UBR3: variants seen among roughly 807,000 people sequenced by gnomAD.
The protein encoded by UBR3 is E3 ubiquitin-protein ligase UBR3.
A neutral mutation model predicts 243.2 loss-of-function variants in UBR3; 85 were observed. That is an observed-to-expected ratio of 0.35 (90% CI 0.29 to 0.42). The LOEUF is 0.42. Ranked by LOEUF, UBR3 falls within the 10% of genes least tolerant of loss-of-function variation. The pLI is 1.00. For missense variants in UBR3, 1,686 were observed against 2,300.8 expected, an observed-to-expected ratio of 0.73 and a Z score of 5.47; for synonymous variants, 748 against 799.8, an observed-to-expected ratio of 0.94 and a Z score of 1.09.
intron 24 of UBR3, among the ~76,000 whole-genome samples, chr2:169,959,749 AGTACCCGGTCTGAGGCTGAAG>A (rs761939697): frequency 1.8e-4 from 28 of 152,252 alleles, no homozygotes; most frequent in Non-Finnish European, 1.5e-4. Context: ...CTGAAAGTAC[AGTACCCGGTCTGAGGCTGAAG>A]GCTGAAAACC....
intron 24 of UBR3, among the ~76,000 whole-genome samples, chr2:169,969,245 G>A (rs777623952): frequency 2.0e-5 from 3 of 151,812 alleles, no homozygotes; most frequent in Non-Finnish European, 2.9e-5. Context: ...TTTTGATGTC[G>A]TACACAAAAA....
rs566766594 is a variant in UBR3 at position 169,897,362 on chromosome 2, A to G, written c.1465+627A>G. On this transcript the variant is annotated intron_variant, in intron 8 of 38. Coordinates refer to ENST00000272793, the MANE Select transcript of UBR3 (RefSeq NM_172070.4). ...GGTTGATACTCTTCAACCTGCCATA[A>G]TGTTTCTGTACCTCTTCCCATTCTC... 3.3e-5 allele frequency among the ~76,000 whole-genome samples: 5 copies of G among 152,136 alleles called. No homozygotes were observed. The South Asian group carries it at 1.0e-3, about 32-fold the overall frequency.
intron 30 of UBR3, among the ~76,000 whole-genome samples, chr2:170,023,841 G>C (rs2090456692): frequency 6.6e-6 from 1 of 152,092 alleles, no homozygotes; most frequent in African/African-American, 2.4e-5. Context: ...CTCCCAAAGT[G>C]CTGGGATTAC....
rs1007349402 is a variant in UBR3 at position 169,926,898 on chromosome 2, A to G, written c.2265A>G (p.Ala755=). The G allele has an allele frequency of 1.3e-6, 2 of 1,551,160 alleles. No homozygotes were observed. The highest frequency in any genetic ancestry group is 1.7e-6 in the Non-Finnish European group (2 of 1,146,564). ...ASQHQNTVLD[A]EHERSMLEGA... ...AACATCAAAATACAGTACTTGATGC[A>G]GAGCATGAGAGGTCGATGTTAGAAG... Residue 755 remains alanine (A), a synonymous_variant, in exon 16 of 39, where the codon GCA becomes GCG. Transcript: ENST00000272793.
chr2:170,021,919 A>G (rs980358190), intron 30 of UBR3, among the ~76,000 whole-genome samples: 1 of 152,148 alleles, frequency 6.6e-6, no homozygotes. Context: ...AATTTTCACT[A>G]TCAGGACATA....
chr2:169,969,678 A>G (rs1180552981), intron 24 of UBR3, among the ~76,000 whole-genome samples: 1 of 151,530 alleles, frequency 6.6e-6, no homozygotes, highest in Non-Finnish European at 1.5e-5. Flanking sequence ...CCTCCCAAGC[A>G]GCTGGGACAA....
intron 9 of UBR3, 150 bp from the exon 10 acceptor site, chr2:169,905,881 T>C: frequency 4.9e-6 from 4 of 817,618 alleles, no homozygotes; most frequent in Non-Finnish European, 5.1e-6. Context: ...GATTGTTTCA[T>C]TTTTAGTAAT....
intron 5 of UBR3, among the ~76,000 whole-genome samples, chr2:169,890,571 A>ATATATATATG (rs2084323698): frequency 9.5e-6 from 1 of 105,016 alleles, no homozygotes; most frequent in African/African-American, 3.7e-5. Flanking sequence ...ATATGTGTAT[A>ATATATATATG]TATATATATG....
At chr2:169,863,431 C>G (rs1271636057) in intron 1 of UBR3, among the ~76,000 whole-genome samples, 1 of 152,096 alleles carries the variant, frequency 6.6e-6, no homozygotes, top group African/African-American at 2.4e-5. Flanking sequence ...GTCATTTTGT[C>G]TAGTATTTTT....
intron 1 of UBR3, among the ~76,000 whole-genome samples, chr2:169,856,257 C>A (rs942067162): frequency 6.6e-6 from 1 of 151,182 alleles, no homozygotes; most frequent in South Asian, 2.1e-4. Context: ...AGAGGCTCTT[C>A]CCATATCCCA....
chr2:169,881,993 ATATT>A (rs1056566323), intron 5 of UBR3, among the ~76,000 whole-genome samples: 3 of 124,156 alleles, frequency 2.4e-5, no homozygotes, highest in Non-Finnish European at 3.2e-5. Flanking sequence ...ATGTATATGT[ATATT>A]TATATAATAT....
chr2:169,881,720 A>G (rs1404109708), intron 5 of UBR3, among the ~76,000 whole-genome samples: 1 of 137,288 alleles, frequency 7.3e-6, no homozygotes, highest in Non-Finnish European at 1.5e-5. Flanking sequence ...ATGTATATGT[A>G]TATTTATATT....
At chr2:170,068,480 A>T (rs1245326943) in intron 35 of UBR3, among the ~76,000 whole-genome samples, 1 of 152,216 alleles carries the variant, frequency 6.6e-6, no homozygotes, top group East Asian at 1.9e-4. Flanking sequence ...AAAAATTAAA[A>T]AATGAACGAA....
chr2:169,828,149 AGGGGAGGGTGCG>A (rs2081805519), intron 1 of UBR3, 97 bp downstream of exon 1: 3 of 990,782 alleles, frequency 3.0e-6, no homozygotes, highest in East Asian at 8.9e-5. Context: ...TGAGCTGTCA[AGGGGAGGGTGCG>A]GGGGAGGGTG....
intron 11 of UBR3, among the ~76,000 whole-genome samples, chr2:169,920,353 T>C (rs888559461): frequency 1.3e-5 from 2 of 152,050 alleles, no homozygotes; most frequent in Non-Finnish European, 2.9e-5. Flanking sequence ...CATTAGGAGA[T>C]ATACCTAATG....
At chr2:169,963,930 A>C (rs1348274648) in intron 24 of UBR3, among the ~76,000 whole-genome samples, 1 of 152,168 alleles carries the variant, frequency 6.6e-6, no homozygotes, top group African/African-American at 2.4e-5. Flanking sequence ...CTACTAAATG[A>C]AGTAAGTTGC....
chr2:169,986,644 G>A lies in UBR3; in HGVS notation c.3635-1G>A. The A allele has an allele frequency of 6.2e-7, 1 of 1,602,536 alleles. No homozygotes were observed. The highest frequency in any genetic ancestry group is 8.5e-7 in the Non-Finnish European group (1 of 1,175,678). On this transcript the variant is annotated splice_acceptor_variant, in intron 24 of 38. Transcript: ENST00000272793. LOFTEE classifies it high-confidence loss of function. ...AAAGAGATGTAACTTTTTTCCCTCAGATTCTCCTGAGAATGATATTCCTAT... is the reference window on the plus strand; with the variant it reads ...AAAGAGATGTAACTTTTTTCCCTCAAATTCTCCTGAGAATGATATTCCTAT...
chr2:169,856,177 C>T (rs953281093), intron 1 of UBR3, among the ~76,000 whole-genome samples: 4 of 149,822 alleles, frequency 2.7e-5, no homozygotes, highest in African/African-American at 9.9e-5. Flanking sequence ...GGCAGAGACA[C>T]TCCTCAGTTC....
Position 169,890,549 on chromosome 2 carries a change from A to ATATGTG in UBR3, c.1039-613_1039-612insGTGTAT, listed in dbSNP as rs1553504461. On this transcript the variant is annotated intron_variant, in intron 5 of 38. Coordinates refer to ENST00000272793, the MANE Select transcript of UBR3 (RefSeq NM_172070.4). ...AGGAGAGAGAGAGAGAGATATATATATATATATATATATATGTGTATATAT... is the reference window on the plus strand; with the variant it reads ...AGGAGAGAGAGAGAGAGATATATATATATGTGTATATATATATATATGTGTATATAT... 3.0e-4 allele frequency among the ~76,000 whole-genome samples: 18 copies of ATATGTG among 59,242 alleles called. 1 individual carries two copies. In the South Asian group the frequency reaches 3.2e-3, roughly 11 times the overall value. The allele number at this position is 59,242 out of a possible 152,430, so 38.9% of individuals were successfully genotyped here.
Sources: gnomAD v4.1 joint callset for allele counts (sites outside exome capture counted in the v4.1 genomes callset) on GRCh38, gnomAD v4.1.1 for gene constraint, MANE v1.5 for transcripts, NCBI Gene and HGNC (gene_info 2026-07-23, HGNC 2026-07-21) for gene names.